CSMD1: variants seen among roughly 807,000 people sequenced by gnomAD.
The protein encoded by CSMD1 is CUB and sushi domain-containing protein 1.
Under a neutral mutation model 417.5 loss-of-function variants are expected in CSMD1, and 213 were observed. That is an observed-to-expected ratio of 0.51 (90% confidence interval 0.46 to 0.57). The LOEUF (loss-of-function observed/expected upper bound fraction) is 0.57. Among genes scored for constraint, CSMD1 ranks in the 20% least tolerant of loss-of-function variants. The pLI is 0.00. For missense variants in CSMD1, 6,923 were observed against 4,529.7 expected, an observed-to-expected ratio of 1.53 and a Z score of -15.17; for synonymous variants, 2,862 against 1,736.8, an observed-to-expected ratio of 1.65 and a Z score of -16.11.
At chr8:2,972,933 T>C (rs1804587989) in intron 57 of CSMD1, among the ~76,000 whole-genome samples, 184 bp downstream of exon 57, 1 of 152,224 alleles carries the variant, frequency 6.6e-6, no homozygotes, top group South Asian at 2.1e-4. Flanking sequence ...CTGTGGATAC[T>C]TGGAATACCT....
intron 23 of CSMD1, among the ~76,000 whole-genome samples, chr8:3,327,892 G>A (rs1174469476): frequency 1.3e-5 from 2 of 151,978 alleles, no homozygotes; most frequent in Non-Finnish European, 2.9e-5. Context: ...GATATTCACT[G>A]TGACCCGGAT....
intron 3 of CSMD1, among the ~76,000 whole-genome samples, chr8:4,409,324 C>G (rs1037785220): frequency 1.3e-5 from 2 of 152,020 alleles, no homozygotes; most frequent in African/African-American, 4.8e-5. Context: ...TCTCTTAATC[C>G]AAATCTATGT....
At chr8:3,861,152 C>A (rs929460286) in intron 5 of CSMD1, among the ~76,000 whole-genome samples, 3 of 152,130 alleles carry the variant, frequency 2.0e-5, no homozygotes, top group Non-Finnish European at 4.4e-5. Context: ...CTTTAACACA[C>A]TGTCCTTGGT....
intron 5 of CSMD1, among the ~76,000 whole-genome samples, chr8:3,993,159 G>A (rs762612053): frequency 1.4e-4 from 21 of 152,210 alleles, no homozygotes; most frequent in Non-Finnish European, 2.8e-4. Flanking sequence ...GGTTATGTAA[G>A]ATGTTCACAT....
intron 18 of CSMD1, among the ~76,000 whole-genome samples, chr8:3,377,128 C>T (rs1435801739): frequency 2.0e-5 from 3 of 152,120 alleles, no homozygotes; most frequent in East Asian, 1.9e-4. Flanking sequence ...CCTGCCTCAG[C>T]GTCCTGAACC....
intron 3 of CSMD1, among the ~76,000 whole-genome samples, chr8:4,172,954 G>A (rs919082007): frequency 9.2e-5 from 14 of 152,130 alleles, no homozygotes; most frequent in Admixed American, 2.6e-4. Context: ...CTCGAGGGCT[G>A]AGGCAGGCAG....
At chr8:4,291,642 G>T (rs946487381) in intron 3 of CSMD1, among the ~76,000 whole-genome samples, 2 of 152,124 alleles carry the variant, frequency 1.3e-5, no homozygotes, top group African/African-American at 2.4e-5. Flanking sequence ...AATTATAGCC[G>T]CAATATGGAG....
chr8:3,729,117 T>G (rs922879632), intron 6 of CSMD1, among the ~76,000 whole-genome samples: 4 of 152,192 alleles, frequency 2.6e-5, no homozygotes, highest in Non-Finnish European at 4.4e-5. Context: ...CGAGCTAAAG[T>G]AGACAACTTT....
chr8:4,918,063 T>A (rs1287453563), intron 1 of CSMD1, among the ~76,000 whole-genome samples: 2 of 150,508 alleles, frequency 1.3e-5, no homozygotes, highest in Non-Finnish European at 2.9e-5. Flanking sequence ...AAAGTCTTAT[T>A]TCTCTGATTA....
intron 4 of CSMD1, among the ~76,000 whole-genome samples, chr8:4,025,504 A>AT (rs1417376020): frequency 2.0e-5 from 3 of 152,228 alleles, no homozygotes; most frequent in Non-Finnish European, 2.9e-5. Context: ...AGGCAAAAGC[A>AT]TTTTTCATTG....
chr8:3,638,447 A>C (rs1202978261), intron 7 of CSMD1, among the ~76,000 whole-genome samples: 2 of 152,098 alleles, frequency 1.3e-5, no homozygotes, highest in Admixed American at 6.5e-5. Flanking sequence ...CCCTCCAAAA[A>C]AAAAAACACT....
chr8:4,549,800 G>C lies in CSMD1; in HGVS notation c.302+87542C>G, dbSNP rs569072399. 2.7e-5 allele frequency among the ~76,000 whole-genome samples: 4 copies of C among 150,702 alleles called. No homozygotes were observed. The East Asian group carries it at 7.9e-4, about 30-fold the overall frequency. On this transcript the variant is annotated intron_variant, in intron 2 of 69. Transcript: ENST00000635120. ...TAATCCTAGCTACTTGGGAGGCTGA[G>C]GCAGGAGAATCGCTTCAGCCCAGGA...
At chr8:4,818,413 C>G (rs1286392535) in intron 1 of CSMD1, among the ~76,000 whole-genome samples, 1 of 152,148 alleles carries the variant, frequency 6.6e-6, no homozygotes. Context: ...ACATCGTTTT[C>G]TTTTCTTAAC....
chr8:4,269,468 G>C (rs1028440793), intron 3 of CSMD1, among the ~76,000 whole-genome samples: 1 of 152,122 alleles, frequency 6.6e-6, no homozygotes, highest in African/African-American at 2.4e-5. Flanking sequence ...TTTTATCAGA[G>C]CTCATGTATT....
chr8:4,951,915 T>A (rs1023439178), intron 1 of CSMD1, among the ~76,000 whole-genome samples: 5 of 151,524 alleles, frequency 3.3e-5, no homozygotes, highest in Admixed American at 1.3e-4. Flanking sequence ...TTTATATATT[T>A]AGAAAAAAAA....
intron 1 of CSMD1, among the ~76,000 whole-genome samples, chr8:4,874,111 T>C (rs1291904439): frequency 6.6e-6 from 1 of 152,118 alleles, no homozygotes; most frequent in African/African-American, 2.4e-5. Flanking sequence ...GTCTGTAGTA[T>C]TCCACACCTC....
intron 3 of CSMD1, among the ~76,000 whole-genome samples, chr8:4,197,137 C>G (rs1323198752): frequency 6.6e-6 from 1 of 152,128 alleles, no homozygotes; most frequent in African/African-American, 2.4e-5. Context: ...CCCAGACAAA[C>G]TACAACAAGG....
At position 3,628,159 on chromosome 8, in the gene CSMD1, C is replaced by A. The variant is rs151101331; in HGVS notation, c.1010-11362G>T. ...TCACCTTTGTTGACGTGTAAACCCC[C>A]CTTTGGTTACTGAATCTCTACCATT... On this transcript the variant is annotated intron_variant, in intron 7 of 69. Coordinates refer to ENST00000635120, the MANE Select transcript of CSMD1 (RefSeq NM_033225.6). 8.9e-4 allele frequency among the ~76,000 whole-genome samples: 136 copies of A among 152,246 alleles called. 1 individual carries two copies. Among genetic ancestry groups the A allele is most frequent in the Middle Eastern group, 6.8e-3 (2 of 294 alleles).
intron 5 of CSMD1, among the ~76,000 whole-genome samples, chr8:3,768,438 T>A (rs1409876013): frequency 6.6e-6 from 1 of 152,234 alleles, no homozygotes; most frequent in Non-Finnish European, 1.5e-5. Flanking sequence ...AATTGATTAC[T>A]GTAACCAGAA....
Sources: gnomAD v4.1 joint callset for allele counts (sites outside exome capture counted in the v4.1 genomes callset) on GRCh38, gnomAD v4.1.1 for gene constraint, MANE v1.5 for transcripts, NCBI Gene and HGNC (gene_info 2026-07-23, HGNC 2026-07-21) for gene names.